Variants in VBP1 observed in about 807,000 individuals in gnomAD.
VBP1 encodes VHL binding protein 1.
VBP1 carries 4 observed loss-of-function variants against 15.5 expected under a neutral mutation model. The observed-to-expected ratio is 0.26, with a 90% CI of 0.13 to 0.59. VBP1 has a LOEUF of 0.59. Ranked by LOEUF, VBP1 falls within the 20% of genes least tolerant of loss-of-function variation. The pLI, the probability that VBP1 is intolerant of heterozygous loss-of-function variation, is 0.90. For synonymous variants in VBP1, 61 were observed against 52.1 expected, an observed-to-expected ratio of 1.17 and a Z score of -0.74; for missense variants, 108 against 139.6, an observed-to-expected ratio of 0.77 and a Z score of 1.14.
chrX:155,231,707 A>G (rs2074747291), intron 4 of VBP1, among the ~76,000 whole-genome samples: 2 of 112,390 alleles, frequency 1.8e-5, no homozygotes, highest in Non-Finnish European at 3.8e-5. Flanking sequence ...AATTGTTTTT[A>G]CAAAAATGGG....
chrX:155,199,558 TGA>T lies in VBP1; in HGVS notation c.-31+2424_-31+2425del, dbSNP rs1233929796. ...AAATCCTTTACAGACAAGCAAATGC[TGA>T]GAGATTTTGTCACCACCAGGCCTGC... On this transcript the variant is annotated intron_variant, in intron 1 of 6. Transcript: ENST00000535916. Among the ~76,000 whole-genome samples, 3 of 111,636 alleles carry T rather than the reference TGA, an allele frequency of 2.7e-5. No individual in the cohort carries two copies. The East Asian group carries it at 8.4e-4, about 31-fold the overall frequency.
chrX:155,236,427 A>T, intron 5 of VBP1, 60 bp downstream of exon 5: 3 of 1,139,496 alleles, frequency 2.6e-6, no homozygotes, highest in South Asian at 2.0e-5. Context: ...TTAAAAAAAC[A>T]TTCTTTCATG....
intron 2 of VBP1, among the ~76,000 whole-genome samples, chrX:155,224,766 T>C (rs1212534593): frequency 2.7e-5 from 3 of 112,719 alleles, no homozygotes; most frequent in Non-Finnish European, 5.6e-5. Flanking sequence ...CTTTCTTTAA[T>C]TGGAAATTTT....
chrX:155,235,659 T>C (rs1557311471), intron 4 of VBP1, among the ~76,000 whole-genome samples: 1 of 112,398 alleles, frequency 8.9e-6, no homozygotes, highest in Non-Finnish European at 1.9e-5. Context: ...GCTGTCTTTT[T>C]TACCTGGTCA....
At chrX:155,235,337 G>C (rs1408028386) in intron 4 of VBP1, among the ~76,000 whole-genome samples, 1 of 110,710 alleles carries the variant, frequency 9.0e-6, no homozygotes, top group African/African-American at 3.3e-5. Context: ...TGGATTATTT[G>C]GTCAATAAGT....
intron 2 of VBP1, among the ~76,000 whole-genome samples, chrX:155,209,722 T>C (rs782150476): frequency 1.8e-5 from 2 of 112,162 alleles, no homozygotes; most frequent in Non-Finnish European, 3.8e-5. Flanking sequence ...GCTGATGTGC[T>C]GAGCCCCCTG....
At chrX:155,229,279 A>T (rs2074734954) in intron 4 of VBP1, among the ~76,000 whole-genome samples, 1 of 112,681 alleles carries the variant, frequency 8.9e-6, no homozygotes, top group African/African-American at 3.2e-5. Context: ...CTTTTTAAAA[A>T]ATAACTTTGA....
intron 5 of VBP1, among the ~76,000 whole-genome samples, chrX:155,237,373 A>G (rs1429671893): frequency 8.9e-6 from 1 of 111,916 alleles, no homozygotes; most frequent in Non-Finnish European, 1.9e-5. Flanking sequence ...TGGGGCTCCA[A>G]AACCTGCACT....
intron 2 of VBP1, among the ~76,000 whole-genome samples, chrX:155,225,766 C>T (rs781873942): frequency 5.3e-5 from 6 of 112,205 alleles, no homozygotes; most frequent in Middle Eastern, 4.6e-3. Flanking sequence ...TTTCTGTTTA[C>T]CTATATGAAC....
Position 155,224,730 on chromosome X carries a change from C to T in VBP1, c.219-2505C>T, listed in dbSNP as rs1428017931. ...GTATTTCATGTGTTAATCTCTTTTT[C>T]GACACTTGAATCTGAGATCTTTTAT... is the stretch of plus-strand genomic sequence containing the variant. On this transcript the variant is annotated intron_variant, in intron 2 of 5. Transcript: ENST00000286428. Among the ~76,000 whole-genome samples the T allele has an allele frequency of 4.5e-5, 5 of 112,217 alleles. No homozygotes were observed. In the East Asian group the frequency reaches 8.4e-4, roughly 19 times the overall value.
intron 1 of VBP1, among the ~76,000 whole-genome samples, chrX:155,205,702 A>C (rs782277758): frequency 1.8e-5 from 2 of 111,127 alleles, no homozygotes; most frequent in African/African-American, 6.5e-5. Context: ...CTTCTCCCAG[A>C]GCAAAAGCCA....
chrX:155,220,246 C>T lies in VBP1; in HGVS notation c.157C>T (p.Leu53=). Residue 53 remains leucine, a synonymous_variant, in exon 2 of 6, where the codon CTG becomes TTG. Coordinates refer to ENST00000286428, the MANE Select transcript of VBP1 (RefSeq NM_003372.7). ...NETADTVLKK[L]DEQYQKYKFM... ...GACTGCAGATACAGTATTAAAGAAG[C>T]TGGATGAACAGTACCAGAAGTATAA... The T allele has an allele frequency of 8.3e-7, 1 of 1,199,107 alleles. No homozygotes were observed.
intron 1 of VBP1, among the ~76,000 whole-genome samples, chrX:155,206,820 C>T (rs1315538298): frequency 9.0e-6 from 1 of 111,200 alleles, no homozygotes; most frequent in Non-Finnish European, 1.9e-5. Context: ...TTCCTCCTAC[C>T]TCATATCTCT....
At chrX:155,232,492 TA>T (rs1393378808) in intron 4 of VBP1, among the ~76,000 whole-genome samples, 9 of 112,158 alleles carry the variant, frequency 8.0e-5, no homozygotes, top group Non-Finnish European at 1.7e-4. Flanking sequence ...TTGTTAAGGA[TA>T]ACATGGAAAG....
chrX:155,238,336 TAATA>T (rs2124105219), intron 5 of VBP1, among the ~76,000 whole-genome samples: 1 of 112,101 alleles, frequency 8.9e-6, no homozygotes, highest in African/African-American at 3.2e-5. Flanking sequence ...AGTAGATGCT[TAATA>T]AACTTGTTAA....
At chrX:155,202,807 C>T (rs2074610547) in intron 1 of VBP1, among the ~76,000 whole-genome samples, 1 of 109,638 alleles carries the variant, frequency 9.1e-6, no homozygotes, top group East Asian at 2.8e-4. Flanking sequence ...AAACTACCAT[C>T]AGAGTGAACA....
intron 1 of VBP1, 136 bp downstream of exon 1, chrX:155,216,711 A>G (rs1557309066): frequency 1.2e-6 from 1 of 868,003 alleles, no homozygotes; most frequent in African/African-American, 2.0e-5. Context: ...GTCTGCTCTC[A>G]CCCCTCGCAC....
intron 2 of VBP1, among the ~76,000 whole-genome samples, chrX:155,226,750 A>AT (rs1197212525): frequency 8.9e-6 from 1 of 112,136 alleles, no homozygotes; most frequent in Non-Finnish European, 1.9e-5. Flanking sequence ...GGTGTCTTCT[A>AT]TTTTAGAATG....
chrX:155,227,040 A>G (rs1237260503), intron 2 of VBP1, 195 bp from the exon 3 acceptor site: 2 of 144,878 alleles, frequency 1.4e-5, no homozygotes, highest in African/African-American at 6.3e-5. Context: ...TCTTTTGGTG[A>G]ATATTTCTTT....
Sources: allele counts gnomAD v4.1 joint callset (sites outside exome capture counted in the v4.1 genomes callset), GRCh38; gene constraint gnomAD v4.1.1; transcripts MANE v1.5; gene names NCBI Gene and HGNC (gene_info 2026-07-23, HGNC 2026-07-21).